Variants in DACH2 observed in about 807,000 individuals in gnomAD.
The protein encoded by DACH2 is dachshund family transcription factor 2.
Under a neutral mutation model 35.8 loss-of-function variants are expected in DACH2, and 17 were observed. The observed-to-expected ratio is 0.48, with a 90% CI of 0.33 to 0.71. The LOEUF is 0.71. DACH2 is among the 30% of genes least tolerant of loss of function. The pLI is 0.02. For missense variants in DACH2, 469 were observed against 472.7 expected, an observed-to-expected ratio of 0.99 and a Z score of 0.07; for synonymous variants, 195 against 177.3, an observed-to-expected ratio of 1.10 and a Z score of -0.79.
At chrX:86,664,604 C>T (rs1184925568) in intron 4 of DACH2, among the ~76,000 whole-genome samples, 2 of 112,164 alleles carry the variant, frequency 1.8e-5, no homozygotes, top group Non-Finnish European at 3.8e-5. Context: ...TAATGGAATG[C>T]TGTCAAGGCA....
chrX:86,722,443 G>A lies in DACH2; in HGVS notation c.1104+7723G>A, dbSNP rs149922214. Among the ~76,000 whole-genome samples the A allele has an allele frequency of 1.4e-3, 157 of 111,135 alleles. 1 individual carries two copies. Among genetic ancestry groups the A allele is most frequent in the African/African-American group, 4.7e-3 (145 of 30,616 alleles). The stretch of plus-strand genomic sequence containing the variant: ...AGCTCACTGCAGCTGCAAACTCCTG[G>A]GCTCAAGTGATTCTCCCACCTCAGC... On this transcript the variant is annotated intron_variant, in intron 6 of 11. Transcript: ENST00000373125.
At chrX:86,667,545 G>GAAAGAAAGAAAGAAAGAAAGAAGA (rs1556364144) in intron 4 of DACH2, among the ~76,000 whole-genome samples, 1 of 31,364 alleles carries the variant, frequency 3.2e-5, no homozygotes, top group Non-Finnish European at 5.6e-5. Flanking sequence ...AAGAAAGAAA[G>GAAAGAAAGAAAGAAAGAAAGAAGA]AAGAAAGAAA....
At chrX:86,801,176 AT>A (rs1174878173) in intron 7 of DACH2, among the ~76,000 whole-genome samples, 1 of 110,354 alleles carries the variant, frequency 9.1e-6, no homozygotes, top group Non-Finnish European at 1.9e-5. Flanking sequence ...AAAACCCTTA[AT>A]TTTTTGTATA....
At chrX:86,638,238 T>A (rs146974512) in intron 3 of DACH2, among the ~76,000 whole-genome samples, 6 of 111,771 alleles carry the variant, frequency 5.4e-5, no homozygotes, top group African/African-American at 2.0e-4. Flanking sequence ...GATCCCTGTC[T>A]CTCACCATAT....
intron 1 of DACH2, among the ~76,000 whole-genome samples, chrX:86,165,728 A>G (rs960619641): frequency 3.6e-5 from 4 of 111,020 alleles, no homozygotes; most frequent in Non-Finnish European, 5.7e-5. Flanking sequence ...TATTCTGATT[A>G]TTAATACCTT....
At chrX:86,289,521 C>T (rs1336745459) in intron 1 of DACH2, among the ~76,000 whole-genome samples, 1 of 106,409 alleles carries the variant, frequency 9.4e-6, no homozygotes, top group Non-Finnish European at 1.9e-5. Context: ...GCTGCACCCA[C>T]TAACTCATCA....
chrX:86,271,123 A>G (rs2033807450), intron 1 of DACH2, among the ~76,000 whole-genome samples: 1 of 111,448 alleles, frequency 9.0e-6, no homozygotes, highest in East Asian at 2.8e-4. Flanking sequence ...GTACACAGCA[A>G]CCCTATAACA....
chrX:86,303,606 ATTTC>A (rs1178108923), intron 1 of DACH2, among the ~76,000 whole-genome samples: 4 of 110,365 alleles, frequency 3.6e-5, no homozygotes, highest in African/African-American at 1.3e-4. Context: ...GACTTTTAAT[ATTTC>A]TTTCTACCTT....
chrX:86,595,042 G>A (rs1306374951), intron 3 of DACH2, among the ~76,000 whole-genome samples: 1 of 111,106 alleles, frequency 9.0e-6, no homozygotes, highest in East Asian at 2.8e-4. Context: ...CTTTATCTCT[G>A]TAAATTTTTT....
chrX:86,650,997 T>TATAA lies in DACH2; in HGVS notation c.641-28_641-25dup, dbSNP rs748509338. On this transcript the variant is annotated intron_variant, in intron 3 of 11. Coordinates refer to ENST00000373125, the MANE Select transcript of DACH2 (RefSeq NM_053281.3). ...CTAAAATAAAAGTTGAAATTATTAA[T>TATAA]ATAAATAAATAAATGGAATGGAATA... 2.9e-4 allele frequency: 319 copies of TATAA among 1,093,765 alleles called. 2 individuals carry two copies. The highest frequency in any genetic ancestry group is 4.7e-5 in the Non-Finnish European group (39 of 833,686). 90.1% of individuals were successfully genotyped at this position (1,093,765 alleles called of 1,213,427 possible). A position where few individuals can be genotyped will look rare whatever the true frequency, so the allele number is the denominator to read the frequency against.
chrX:86,689,510 T>G (rs1220475984), intron 4 of DACH2, among the ~76,000 whole-genome samples: 3 of 111,963 alleles, frequency 2.7e-5, no homozygotes, highest in African/African-American at 9.7e-5. Flanking sequence ...ACAAAATGCT[T>G]CATGCTGTGT....
intron 3 of DACH2, among the ~76,000 whole-genome samples, chrX:86,638,445 G>T (rs67338586): frequency 0.12 from 13,552 of 110,997 alleles, 723 homozygotes; most frequent in East Asian, 0.33. Flanking sequence ...CACAGAAAAA[G>T]AAATAATCTA....
At chrX:86,161,972 G>C (rs1261248186) in intron 1 of DACH2, among the ~76,000 whole-genome samples, 1 of 112,024 alleles carries the variant, frequency 8.9e-6, no homozygotes, top group East Asian at 2.8e-4. Context: ...ATAAAGGAAT[G>C]ACTACTCCAT....
chrX:86,260,125 CAT>C (rs1204484208), intron 1 of DACH2, among the ~76,000 whole-genome samples: 1 of 110,432 alleles, frequency 9.1e-6, no homozygotes, highest in East Asian at 2.8e-4. Flanking sequence ...CAATATCAAA[CAT>C]ATGATTAATT....
At chrX:86,719,570 A>G (rs1377113075) in intron 6 of DACH2, among the ~76,000 whole-genome samples, 3 of 111,905 alleles carry the variant, frequency 2.7e-5, no homozygotes, top group African/African-American at 9.8e-5. Flanking sequence ...ACAGTTCCAC[A>G]TGGCTGGGGA....
chrX:86,549,998 A>T (rs914112543), intron 3 of DACH2, among the ~76,000 whole-genome samples: 1 of 111,436 alleles, frequency 9.0e-6, no homozygotes, highest in Non-Finnish European at 1.9e-5. Context: ...GATGAGGCTT[A>T]TTTTCTTGGC....
intron 1 of DACH2, among the ~76,000 whole-genome samples, chrX:86,204,772 T>G (rs2032242257): frequency 8.9e-6 from 1 of 112,123 alleles, no homozygotes; most frequent in Non-Finnish European, 1.9e-5. Flanking sequence ...CTGATTTATA[T>G]TGGCACTCAC....
chrX:86,237,932 T>C (rs2033089254), intron 1 of DACH2, among the ~76,000 whole-genome samples: 1 of 111,885 alleles, frequency 8.9e-6, no homozygotes, highest in Non-Finnish European at 1.9e-5. Flanking sequence ...AAGGAGCTCC[T>C]AGGTCTGGGC....
At chrX:86,441,867 GTGTATA>G (rs2037168509) in intron 2 of DACH2, among the ~76,000 whole-genome samples, 2 of 94,858 alleles carry the variant, frequency 2.1e-5, no homozygotes, top group African/African-American at 8.5e-5. Context: ...GTGTGTGTGT[GTGTATA>G]TATATATATA....
Sources: gnomAD v4.1 joint callset for allele counts (sites outside exome capture counted in the v4.1 genomes callset) on GRCh38, gnomAD v4.1.1 for gene constraint, MANE v1.5 for transcripts, NCBI Gene and HGNC (gene_info 2026-07-23, HGNC 2026-07-21) for gene names.